Variants in COX14 observed in about 807,000 individuals in gnomAD.
COX14 encodes the protein cytochrome c oxidase assembly protein COX14.
Under a neutral mutation model 5.8 loss-of-function variants are expected in COX14, and 3 were observed. The observed-to-expected ratio is 0.51, with a 90% CI of 0.23 to 1.33. The LOEUF is 1.33. Ranked by LOEUF, COX14 falls within the 40% of genes most tolerant of loss-of-function variation. COX14 has a pLI of 0.18. For synonymous variants in COX14, 25 were observed against 26.1 expected, an observed-to-expected ratio of 0.96 and a Z score of 0.13; for missense variants, 72 against 72.1, an observed-to-expected ratio of 1.00 and a Z score of 0.01.
chr12:50,112,585 TC>T (rs1334630082), intron 1 of COX14: 1 of 573,114 alleles, frequency 1.7e-6, no homozygotes, highest in African/African-American at 2.0e-5. Context: ...CTCTGCCTCT[TC>T]CTTGCTCTAT....
At chr12:50,117,188 A>T (rs533390307) in intron 1 of COX14, among the ~76,000 whole-genome samples, 24 of 151,790 alleles carry the variant, frequency 1.6e-4, no homozygotes, top group East Asian at 5.8e-4. Flanking sequence ...TTAAAAAAAA[A>T]TTTTTTTTGT....
At chr12:50,117,577 G>GTC (rs1175272662) in intron 1 of COX14, among the ~76,000 whole-genome samples, 2 of 138,886 alleles carry the variant, frequency 1.4e-5, no homozygotes, top group African/African-American at 5.6e-5. Flanking sequence ...CTCTTTTTCT[G>GTC]TCTCTTTTTT....
intron 1 of COX14, chr12:50,112,613 A>T: frequency 2.9e-6 from 1 of 342,274 alleles, no homozygotes; most frequent in Non-Finnish European, 4.1e-6. Context: ...CTGCGTCCTG[A>T]TAAGTGGCTC....
At chr12:50,116,340 G>A (rs1296617777) in intron 1 of COX14, among the ~76,000 whole-genome samples, 8 of 152,144 alleles carry the variant, frequency 5.3e-5, no homozygotes, top group Non-Finnish European at 7.4e-5. Flanking sequence ...TGATCTGCCC[G>A]ACTCAGCCTC....
intron 1 of COX14, among the ~76,000 whole-genome samples, chr12:50,116,477 G>A (rs570496062): frequency 2.1e-4 from 32 of 152,354 alleles, no homozygotes; most frequent in Non-Finnish European, 3.8e-4. Flanking sequence ...TAGACAGCAG[G>A]ATTATGTCTG....
In COX14 at chr12:50,118,583, C is replaced by T. The variant is rs112929561; in HGVS notation, c.-8-1453C>T. ...GAGATCAAAACCATCCTGGCTAACA[C>T]GGTGAAACCCCATCTCTACTAAAAA... On this transcript the variant is annotated intron_variant, in intron 1 of 1. Coordinates refer to ENST00000550487, the MANE Select transcript of COX14 (RefSeq NM_032901.4). 7.0e-3 allele frequency: 1,429 copies of T among 203,334 alleles called. 31 individuals carry two copies. The highest frequency in any genetic ancestry group is 0.032 in the African/African-American group (1,347 of 42,406). The allele number at this position is 203,334 out of a possible 1,614,324, so 12.6% of individuals were successfully genotyped here.
chr12:50,115,687 G>T (rs1206173590), intron 1 of COX14, among the ~76,000 whole-genome samples: 1 of 151,816 alleles, frequency 6.6e-6, no homozygotes. Context: ...GAGTAGCTGG[G>T]ACTACAGGTG....
chr12:50,115,428 G>C (rs1348711064), intron 1 of COX14, among the ~76,000 whole-genome samples: 4 of 149,902 alleles, frequency 2.7e-5, no homozygotes, highest in South Asian at 4.2e-4. Context: ...TGTTAGCCAG[G>C]ATGGTCTCGA....
chr12:50,118,478 T>C lies in COX14; in HGVS notation c.-8-1558T>C, dbSNP rs987664099. 14 of 980,162 alleles carry C rather than the reference T, an allele frequency of 1.4e-5. No homozygotes were observed. In the Admixed American group the frequency reaches 4.3e-4, roughly 30 times the overall value. The allele number at this position is 980,162 out of a possible 1,614,324, so 60.7% of individuals were successfully genotyped here. On this transcript the variant is annotated intron_variant, in intron 1 of 1. Transcript: ENST00000550487. ...GTTGTTGTTTCTTTAAAAATAAATA[T>C]GTATTTTTGGCCAGGCGCGGTGGCT...
intron 1 of COX14, among the ~76,000 whole-genome samples, chr12:50,114,085 A>C (rs1378304918): frequency 6.6e-6 from 1 of 151,930 alleles, no homozygotes; most frequent in Non-Finnish European, 1.5e-5. Flanking sequence ...CTGCAGGTGC[A>C]TGTCACCACA....
intron 1 of COX14, among the ~76,000 whole-genome samples, chr12:50,119,426 G>A (rs1018871548): frequency 2.0e-5 from 3 of 152,128 alleles, no homozygotes; most frequent in East Asian, 1.9e-4. Context: ...AGTGGCTCAT[G>A]CCTGTACACA....
At chr12:50,114,310 C>T (rs1459142205) in intron 1 of COX14, among the ~76,000 whole-genome samples, 3 of 148,240 alleles carry the variant, frequency 2.0e-5, no homozygotes, top group Non-Finnish European at 3.0e-5. Flanking sequence ...AGTGCAGTGG[C>T]GCGATCTCAG....
intron 1 of COX14, among the ~76,000 whole-genome samples, chr12:50,115,644 T>A (rs888196033): frequency 1.3e-5 from 2 of 151,244 alleles, no homozygotes; most frequent in African/African-American, 4.9e-5. Context: ...CTCTACCTCC[T>A]GGGCTCAAGC....
chr12:50,117,350 GGT>G (rs138351639), intron 1 of COX14, among the ~76,000 whole-genome samples: 2 of 151,784 alleles, frequency 1.3e-5, no homozygotes, highest in Admixed American at 6.6e-5. Flanking sequence ...TGTATGCTTT[GGT>G]GTGTGTGTGT....
intron 1 of COX14, among the ~76,000 whole-genome samples, chr12:50,117,151 A>AG (rs1378969244): frequency 6.6e-6 from 1 of 152,094 alleles, no homozygotes; most frequent in African/African-American, 2.4e-5. Flanking sequence ...CTGGGACTAC[A>AG]GCCATATGCC....
intron 1 of COX14, among the ~76,000 whole-genome samples, chr12:50,115,743 G>C (rs936026664): frequency 6.6e-6 from 1 of 151,528 alleles, no homozygotes; most frequent in African/African-American, 2.4e-5. Flanking sequence ...GTAGAGACAG[G>C]GTTTCACCAT....
intron 1 of COX14, chr12:50,118,365 C>T: frequency 1.1e-6 from 1 of 943,910 alleles, no homozygotes; most frequent in Non-Finnish European, 1.3e-6. Flanking sequence ...GCATTCTGAA[C>T]ACAGTCTTGC....
chr12:50,113,004 G>C (rs1248933868), intron 1 of COX14: 1 of 151,442 alleles, frequency 6.6e-6, no homozygotes, highest in Non-Finnish European at 1.5e-5. Flanking sequence ...ACCACGCCCG[G>C]GTAATTTTTA....
At chr12:50,114,770 ATTTTTTTTTTTTTT>A (rs71083507) in intron 1 of COX14, among the ~76,000 whole-genome samples, 12 of 70,650 alleles carry the variant, frequency 1.7e-4, no homozygotes, top group South Asian at 8.2e-4. Flanking sequence ...GAGTATCTTA[ATTTTTTTTTTTTTT>A]TTTTTTTTTT....
Sources: gnomAD v4.1 joint callset for allele counts (sites outside exome capture counted in the v4.1 genomes callset) on GRCh38, gnomAD v4.1.1 for gene constraint, MANE v1.5 for transcripts, NCBI Gene and HGNC (gene_info 2026-07-23, HGNC 2026-07-21) for gene names.